CFAP299: variants seen among roughly 807,000 people sequenced by gnomAD.
CFAP299 encodes cilia- and flagella-associated protein 299.
In CFAP299, 21 loss-of-function variants were observed where a neutral mutation model predicts 27.0. The ratio of observed to expected loss-of-function variants is 0.78; its 90% CI spans 0.55 to 1.12. CFAP299 has a LOEUF of 1.12. CFAP299 is among the 50% of genes most tolerant of loss of function. The probability of loss-of-function intolerance (pLI) is 0.00; values close to 1 mark genes in which losing one functional copy is unlikely to be tolerated. For missense variants in CFAP299, 310 were observed against 276.6 expected, an observed-to-expected ratio of 1.12 and a Z score of -0.86; for synonymous variants, 104 against 98.1, an observed-to-expected ratio of 1.06 and a Z score of -0.36.
At chr4:80,901,839 C>T (rs1462303856) in intron 4 of CFAP299, among the ~76,000 whole-genome samples, 1 of 152,062 alleles carries the variant, frequency 6.6e-6, no homozygotes, top group East Asian at 1.9e-4. Context: ...AATTAAATCT[C>T]TTAAAGTTTT....
At chr4:80,859,464 T>C (rs1167678183) in intron 3 of CFAP299, among the ~76,000 whole-genome samples, 2 of 152,140 alleles carry the variant, frequency 1.3e-5, no homozygotes, top group Admixed American at 6.5e-5. Context: ...TGATGTTAGC[T>C]GGTTATTTTG....
intron 3 of CFAP299, among the ~76,000 whole-genome samples, chr4:80,858,623 G>A (rs1486621746): frequency 6.6e-6 from 1 of 151,818 alleles, no homozygotes; most frequent in Non-Finnish European, 1.5e-5. Flanking sequence ...TGTTCTCGTT[G>A]GTTTCAAAGA....
intron 4 of CFAP299, among the ~76,000 whole-genome samples, chr4:80,886,225 C>G (rs568519504): frequency 1.3e-5 from 2 of 152,264 alleles, no homozygotes; most frequent in East Asian, 3.9e-4. Context: ...GGTTTTTACT[C>G]CAATTCCTGG....
intron 3 of CFAP299, among the ~76,000 whole-genome samples, chr4:80,621,650 A>G (rs1292288649): frequency 6.6e-6 from 1 of 152,138 alleles, no homozygotes; most frequent in African/African-American, 2.4e-5. Context: ...AAATGAGACA[A>G]AGACTCTAGA....
At chr4:80,420,402 T>C (rs1727236737) in intron 2 of CFAP299, 1 of 262,462 alleles carries the variant, frequency 3.8e-6, no homozygotes, top group East Asian at 8.5e-5. Context: ...ATATTTTGGG[T>C]GAGATATTTT....
chr4:80,595,386 G>T (rs936498211), intron 3 of CFAP299, among the ~76,000 whole-genome samples: 7 of 152,128 alleles, frequency 4.6e-5, no homozygotes, highest in African/African-American at 1.7e-4. Context: ...TTTACATTTA[G>T]ATGTATGTTT....
At chr4:80,785,782 C>A (rs561253588) in intron 3 of CFAP299, among the ~76,000 whole-genome samples, 17 of 151,978 alleles carry the variant, frequency 1.1e-4, no homozygotes, top group Admixed American at 3.3e-4. Flanking sequence ...TATTTTTTTC[C>A]CAATGGTTAC....
chr4:80,324,312 CTG>C, the CFAP299 span, among the ~76,000 whole-genome samples: 3 of 152,190 alleles, frequency 2.0e-5, no homozygotes, highest in Non-Finnish European at 2.9e-5. Flanking sequence ...GGGAGTATAA[CTG>C]TTTTGCTCTT....
chr4:80,743,114 C>T (rs933879848), intron 3 of CFAP299, among the ~76,000 whole-genome samples: 1 of 151,980 alleles, frequency 6.6e-6, no homozygotes, highest in African/African-American at 2.4e-5. Flanking sequence ...ACAAGTAGAC[C>T]GGGCTCCGTG....
chr4:80,694,085 C>A (rs1442923241), intron 3 of CFAP299, among the ~76,000 whole-genome samples: 3 of 152,136 alleles, frequency 2.0e-5, no homozygotes, highest in African/African-American at 7.2e-5. Flanking sequence ...TTTGGTGTTT[C>A]TGGCTTACAA....
At chr4:80,459,253 G>A (rs1729321710) in intron 2 of CFAP299, among the ~76,000 whole-genome samples, 1 of 152,140 alleles carries the variant, frequency 6.6e-6, no homozygotes, top group African/African-American at 2.4e-5. Context: ...GCCTCCCAAA[G>A]TGCTAGAATT....
At chr4:80,432,374 A>G (rs1225905103) in intron 2 of CFAP299, among the ~76,000 whole-genome samples, 1 of 151,994 alleles carries the variant, frequency 6.6e-6, no homozygotes, top group Non-Finnish European at 1.5e-5. Context: ...GCTGGTCTCG[A>G]ACTCCTGATC....
chr4:80,638,071 G>A (rs977382138), intron 3 of CFAP299, among the ~76,000 whole-genome samples: 1 of 152,180 alleles, frequency 6.6e-6, no homozygotes, highest in Non-Finnish European at 1.5e-5. Flanking sequence ...AGTTCAAGGA[G>A]ATCCAGCTCA....
chr4:80,630,287 T>C (rs1488887179), intron 3 of CFAP299, among the ~76,000 whole-genome samples: 1 of 152,090 alleles, frequency 6.6e-6, no homozygotes, highest in Non-Finnish European at 1.5e-5. Context: ...TAAAGTAAAA[T>C]CATTCAAAAG....
At chr4:80,361,567 A>G (rs1422474728) in intron 1 of CFAP299, among the ~76,000 whole-genome samples, 5 of 152,342 alleles carry the variant, frequency 3.3e-5, no homozygotes, top group Admixed American at 6.5e-5. Flanking sequence ...AGAGAAATCT[A>G]TTAAACAAGG....
chr4:80,657,009 C>G (rs1173364729), intron 3 of CFAP299, among the ~76,000 whole-genome samples: 2 of 152,010 alleles, frequency 1.3e-5, no homozygotes, highest in Admixed American at 1.3e-4. Context: ...TGTTTGTTGG[C>G]CACATAAATG....
At chr4:80,671,707 T>G (rs565776896) in intron 3 of CFAP299, among the ~76,000 whole-genome samples, 1 of 152,212 alleles carries the variant, frequency 6.6e-6, no homozygotes, top group Non-Finnish European at 1.5e-5. Context: ...AAGAAGTCCT[T>G]CATATCCCTT....
At chr4:80,620,577 G>T (rs1455780091) in intron 3 of CFAP299, among the ~76,000 whole-genome samples, 1 of 152,054 alleles carries the variant, frequency 6.6e-6, no homozygotes, top group Non-Finnish European at 1.5e-5. Flanking sequence ...TAGGATGATG[G>T]CTTGATTCCT....
chr4:80,540,769 A>G (rs75361634), intron 2 of CFAP299, among the ~76,000 whole-genome samples: 32 of 152,330 alleles, frequency 2.1e-4, no homozygotes, highest in African/African-American at 7.7e-4. Context: ...TAAATATTGT[A>G]TATTTTAAGA....
Sources: allele counts gnomAD v4.1 joint callset (sites outside exome capture counted in the v4.1 genomes callset), GRCh38; gene constraint gnomAD v4.1.1; transcripts MANE v1.5; gene names NCBI Gene and HGNC (gene_info 2026-07-23, HGNC 2026-07-21).